The following IFIH1 variants were observed in gnomAD, a reference collection of about 807,000 sequenced individuals.
IFIH1 encodes interferon induced with helicase C domain 1.
A neutral mutation model predicts 107.4 loss-of-function variants in IFIH1; 125 were observed. The ratio of observed to expected loss-of-function variants is 1.16; its 90% CI spans 1.01 to 1.35. The LOEUF is 1.35. Among genes scored for constraint, IFIH1 ranks in the 40% most tolerant of loss-of-function variants. The probability of loss-of-function intolerance (pLI) is 0.00; values close to 1 mark genes in which losing one functional copy is unlikely to be tolerated. For synonymous variants in IFIH1, 458 were observed against 413.2 expected (o/e 1.11, Z -1.31); for missense variants, 1,333 against 1,213.7 (o/e 1.10, Z -1.46).
At chr2:162,267,696 C>G (rs545508621) in intron 14 of IFIH1, 127 bp from the exon 15 acceptor site, 2 of 703,198 alleles carry the variant, frequency 2.8e-6, no homozygotes, top group African/African-American at 3.5e-5. Context: ...CCTTCCTTCC[C>G]TCCTGCTTCC....
intron 8 of IFIH1, among the ~76,000 whole-genome samples, 154 bp from the exon 9 acceptor site, chr2:162,278,482 A>G (rs1682745745): frequency 6.6e-6 from 1 of 152,108 alleles, no homozygotes; most frequent in African/African-American, 2.4e-5. Context: ...CTGTACATTT[A>G]TTTTTGTCAG....
chr2:162,316,877 C>T (rs889370242), intron 1 of IFIH1, among the ~76,000 whole-genome samples: 3 of 152,130 alleles, frequency 2.0e-5, no homozygotes, highest in Non-Finnish European at 2.9e-5. Context: ...CAGTAAAATT[C>T]GCCCTGTCAA....
chr2:162,286,620 A>AGAG (rs61020775), intron 5 of IFIH1, among the ~76,000 whole-genome samples: 19,085 of 151,848 alleles, frequency 0.13, 2,775 homozygotes, highest in African/African-American at 0.32. Flanking sequence ...TAAATGGGGA[A>AGAG]GAGGAGCCTT....
rs372447703 is a variant in IFIH1, at chr2:162,297,634, T to G, written c.770-3966A>C. Among the ~76,000 whole-genome samples the G allele has an allele frequency of 1.7e-4, 26 of 152,276 alleles. 4 individuals are homozygous for G. The highest frequency in any genetic ancestry group is 1.0e-3 in the Admixed American group (16 of 15,300). ...AAGTTATATTGTATAATAAGTTTAG[T>G]TAAGTTTTATATAGGTGTCATTTCC... On this transcript the variant is annotated intron_variant, in intron 3 of 15. Transcript: ENST00000649979.
At position 162,318,081 on chromosome 2, in the gene IFIH1, G is replaced by GT; in HGVS notation, c.226dup (p.Thr76AsnfsTer23). ...CCGGAGGGCCTCCACGAATTCCCGAGTCCAACCAAGGTGCCAGACTCCCTT... is the reference window on the plus strand; with the variant it reads ...CCGGAGGGCCTCCACGAATTCCCGAGTTCCAACCAAGGTGCCAGACTCCCTT... On this transcript the variant is annotated frameshift_variant, in exon 1 of 16. Coordinates refer to ENST00000649979, the MANE Select transcript of IFIH1 (RefSeq NM_022168.4). LOFTEE classifies it high-confidence loss of function. 1 of 1,614,172 alleles carries GT rather than the reference G, an allele frequency of 6.2e-7. No homozygotes were observed. Among genetic ancestry groups the GT allele is most frequent in the South Asian group, 1.1e-5 (1 of 91,082 alleles).
At chr2:162,279,935 T>G in intron 8 of IFIH1, 61 bp downstream of exon 8, 1 of 910,834 alleles carries the variant, frequency 1.1e-6, no homozygotes, top group Non-Finnish European at 1.8e-6. Context: ...AAATAGCCTT[T>G]GCCATCTTTC....
intron 11 of IFIH1, 61 bp downstream of exon 11, chr2:162,276,626 A>G (rs1682668869): frequency 1.3e-6 from 2 of 1,522,244 alleles, no homozygotes; most frequent in Admixed American, 4.2e-5. Context: ...GAAGAGAAGA[A>G]GAGAAGAGAA....
At chr2:162,314,387 C>CTTT in intron 1 of IFIH1, among the ~76,000 whole-genome samples, 3 of 54,502 alleles carry the variant, frequency 5.5e-5, no homozygotes, top group African/African-American at 1.2e-4. Context: ...TCCCTCCCTC[C>CTTT]CTCCCTCCCT....
intron 7 of IFIH1, 137 bp downstream of exon 7, chr2:162,281,187 ATATT>A (rs1294602211): frequency 4.9e-6 from 3 of 617,294 alleles, no homozygotes; most frequent in Non-Finnish European, 8.7e-6. Context: ...AAGACTGAGT[ATATT>A]TATTGTACTA....
chr2:162,278,330 T>G lies in IFIH1; in HGVS notation c.1642-2A>C, dbSNP rs1682743895. On this transcript the variant is annotated splice_acceptor_variant, in intron 8 of 15. Transcript: ENST00000649979. LOFTEE classifies it high-confidence loss of function. Reference sequence around the variant, plus strand: ...TAGAAGTTTCTCTTTAAATGGATCCTAAAAATAAAGTACACACTTATTCTT... The same window carrying G: ...TAGAAGTTTCTCTTTAAATGGATCCGAAAAATAAAGTACACACTTATTCTT... 3 of 1,299,244 alleles carry G rather than the reference T, an allele frequency of 2.3e-6. No individual in the cohort carries two copies. Among genetic ancestry groups the G allele is most frequent in the Non-Finnish European group, 3.3e-6 (3 of 914,300 alleles). The allele number at this position is 1,299,244 out of a possible 1,614,324, so 80.5% of individuals were successfully genotyped here.
At chr2:162,308,757 G>C (rs954608542) in intron 2 of IFIH1, among the ~76,000 whole-genome samples, 2 of 152,132 alleles carry the variant, frequency 1.3e-5, no homozygotes, top group East Asian at 3.9e-4. Flanking sequence ...ATGAGTATTA[G>C]GAGGACAAAA....
rs1200869378 is a variant in IFIH1 at position 162,268,543 on chromosome 2, C to A, written c.2617-266G>T. ...AGTTCTATTGTGAGAAAGTCCTTAGCAATATTCAACAAAAATTCTCTGTCT... is the reference window on the plus strand; with the variant it reads ...AGTTCTATTGTGAGAAAGTCCTTAGAAATATTCAACAAAAATTCTCTGTCT... On this transcript the variant is annotated intron_variant, in intron 13 of 15. Coordinates refer to ENST00000649979, the MANE Select transcript of IFIH1 (RefSeq NM_022168.4). Among the ~76,000 whole-genome samples the A allele has an allele frequency of 6.6e-6, 1 of 152,100 alleles. No individual in the cohort carries two copies. The highest frequency in any genetic ancestry group is 2.1e-4 in the South Asian group (1 of 4,834).
intron 4 of IFIH1, among the ~76,000 whole-genome samples, chr2:162,290,230 A>G (rs1682973371): frequency 2.0e-5 from 3 of 151,900 alleles, no homozygotes; most frequent in African/African-American, 4.8e-5. Context: ...TCCTTCCTTC[A>G]TAATAGTTGC....
Position 162,314,770 on chromosome 2 carries a change from A to G in IFIH1, c.453+3085T>C, listed in dbSNP as rs563015666. Among the ~76,000 whole-genome samples, 53 of 152,092 alleles carry G rather than the reference A, an allele frequency of 3.5e-4. 1 individual carries two copies. In the South Asian group the frequency reaches 9.8e-3, roughly 28 times the overall value. ...CCCAAAGTGCTGGGATTACAGGCGT[A>G]AGCCACCATGACTGGCCTACAGTAG... On this transcript the variant is annotated intron_variant, in intron 1 of 15. Transcript: ENST00000649979.
intron 2 of IFIH1, among the ~76,000 whole-genome samples, chr2:162,307,366 T>C (rs1034698910): frequency 4.6e-5 from 7 of 152,240 alleles, no homozygotes; most frequent in African/African-American, 1.7e-4. Flanking sequence ...TAGTTTTCTT[T>C]AGCTTTGCTC....
At chr2:162,301,286 A>G (rs1683189129) in intron 3 of IFIH1, among the ~76,000 whole-genome samples, 2 of 152,188 alleles carry the variant, frequency 1.3e-5, no homozygotes, top group Non-Finnish European at 2.9e-5. Flanking sequence ...TGCGCACTGT[A>G]TATTCACACA....
At chr2:162,279,022 C>A (rs1682760737) in intron 8 of IFIH1, among the ~76,000 whole-genome samples, 1 of 151,876 alleles carries the variant, frequency 6.6e-6, no homozygotes, top group African/African-American at 2.4e-5. Flanking sequence ...TGTTATGCTT[C>A]AAGGTATATA....
chr2:162,272,746 G>A (rs1026881490), intron 12 of IFIH1, among the ~76,000 whole-genome samples: 1 of 152,132 alleles, frequency 6.6e-6, no homozygotes, highest in African/African-American at 2.4e-5. Context: ...AGGAAGCTGG[G>A]AGGAATGAAT....
chr2:162,310,667 T>C, intron 2 of IFIH1, 98 bp downstream of exon 2: 2 of 977,380 alleles, frequency 2.0e-6, no homozygotes, highest in Non-Finnish European at 3.1e-6. Context: ...ATTTTGATTC[T>C]AAAAATCTTG....
Sources: allele counts gnomAD v4.1 joint callset (sites outside exome capture counted in the v4.1 genomes callset), GRCh38; gene constraint gnomAD v4.1.1; transcripts MANE v1.5; gene names NCBI Gene and HGNC (gene_info 2026-07-23, HGNC 2026-07-21).